The following LRRC7 variants were observed in gnomAD, a reference collection of about 807,000 sequenced individuals.
The protein encoded by LRRC7 is leucine rich repeat containing 7.
Under a neutral mutation model 175.7 loss-of-function variants are expected in LRRC7, and 23 were observed. That is an observed-to-expected ratio of 0.13 (90% confidence interval 0.09 to 0.19). The LOEUF is 0.19. LRRC7 is among the 10% of genes least tolerant of loss of function. LRRC7 has a pLI of 1.00. For missense variants in LRRC7, 1,354 were observed against 1,904.7 expected (o/e 0.71, Z 5.38); for synonymous variants, 685 against 680.9 (o/e 1.01, Z -0.09).
intron 3 of LRRC7, among the ~76,000 whole-genome samples, chr1:69,789,920 A>G (rs1250091395): frequency 2.6e-5 from 4 of 152,074 alleles, no homozygotes; most frequent in Admixed American, 6.6e-5. Flanking sequence ...GTGACAAACA[A>G]CGTCTTACAT....
intron 1 of LRRC7, among the ~76,000 whole-genome samples, chr1:69,619,402 G>C (rs987277850): frequency 6.6e-6 from 1 of 151,980 alleles, no homozygotes; most frequent in African/African-American, 2.4e-5. Flanking sequence ...AAACACCACC[G>C]GTTTCTACTA....
rs779031943 is a variant in LRRC7 at position 69,638,578 on chromosome 1, G to A, written c.3-39803G>A. Among the ~76,000 whole-genome samples, 4 of 151,664 alleles carry A rather than the reference G, an allele frequency of 2.6e-5. No individual in the cohort carries two copies. In the Admixed American group the frequency reaches 2.6e-4, roughly 10 times the overall value. ...GTAGTCTGCTTGCAAGTTAAGAACC[G>A]AGAGTATATCAATTAAGCCAAGAGC... On this transcript the variant is annotated intron_variant, in intron 1 of 26. Coordinates refer to ENST00000651989, the MANE Select transcript of LRRC7 (RefSeq NM_001370785.2).
intron 2 of LRRC7, among the ~76,000 whole-genome samples, chr1:69,717,098 T>A (rs1665452067): frequency 6.6e-6 from 1 of 151,644 alleles, no homozygotes; most frequent in African/African-American, 2.4e-5. Context: ...AAGATAGAAC[T>A]TAATACAGCT....
chr1:70,035,755 T>C (rs1659249550), intron 18 of LRRC7, among the ~76,000 whole-genome samples: 2 of 152,196 alleles, frequency 1.3e-5, no homozygotes, highest in East Asian at 1.9e-4. Context: ...TGCTCATATA[T>C]GGCTTATCAT....
intron 1 of LRRC7, among the ~76,000 whole-genome samples, chr1:69,615,437 G>C (rs1649456751): frequency 6.6e-6 from 1 of 151,922 alleles, no homozygotes; most frequent in Non-Finnish European, 1.5e-5. Context: ...TTGAAAGAAA[G>C]TTGCATTAGC....
At position 69,821,348 on chromosome 1, in the gene LRRC7, C is replaced by T. The variant is rs1434697477; in HGVS notation, c.422-4400C>T. On this transcript the variant is annotated intron_variant, in intron 4 of 26. Transcript: ENST00000651989. ...TCCGATTTAGCATTTGTTTTTCCTGCTTGATCAAGTCTGCTGTGGGAGTTC... is the reference window on the plus strand; with the variant it reads ...TCCGATTTAGCATTTGTTTTTCCTGTTTGATCAAGTCTGCTGTGGGAGTTC... 2.6e-5 allele frequency among the ~76,000 whole-genome samples: 4 copies of T among 152,054 alleles called. No homozygotes were observed. In the East Asian group the frequency reaches 5.8e-4, roughly 22 times the overall value.
chr1:69,634,725 C>A (rs559924372), intron 1 of LRRC7, among the ~76,000 whole-genome samples: 1 of 152,138 alleles, frequency 6.6e-6, no homozygotes, highest in Non-Finnish European at 1.5e-5. Context: ...GACCACCTTT[C>A]TTAGGGTACT....
At chr1:69,806,419 A>C (rs1429642539) in intron 4 of LRRC7, among the ~76,000 whole-genome samples, 1 of 151,930 alleles carries the variant, frequency 6.6e-6, no homozygotes, top group Non-Finnish European at 1.5e-5. Context: ...AGCACTCCTC[A>C]AAATTTTCCT....
intron 4 of LRRC7, among the ~76,000 whole-genome samples, chr1:69,825,065 G>A (rs774392969): frequency 2.6e-5 from 4 of 152,066 alleles, no homozygotes; most frequent in African/African-American, 7.2e-5. Flanking sequence ...CTGTCACACA[G>A]CCAGTAGCAC....
chr1:69,629,450 G>A (rs1652131998), intron 1 of LRRC7, among the ~76,000 whole-genome samples: 1 of 152,016 alleles, frequency 6.6e-6, no homozygotes, highest in African/African-American at 2.4e-5. Flanking sequence ...CTTGAACCAT[G>A]TTATCAGCTG....
At chr1:70,035,873 A>G (rs1260602217) in intron 18 of LRRC7, among the ~76,000 whole-genome samples, 1 of 152,150 alleles carries the variant, frequency 6.6e-6, no homozygotes, top group Non-Finnish European at 1.5e-5. Flanking sequence ...TCCACAGTTC[A>G]TTGCACAGTG....
chr1:69,979,059 G>A (rs1413950044), intron 8 of LRRC7, among the ~76,000 whole-genome samples: 1 of 151,366 alleles, frequency 6.6e-6, no homozygotes, highest in African/African-American at 2.4e-5. Flanking sequence ...TTTTTGTCAT[G>A]CGTGAAGTTC....
chr1:70,050,011 A>G (rs967157721), intron 22 of LRRC7, among the ~76,000 whole-genome samples: 23 of 152,064 alleles, frequency 1.5e-4, no homozygotes, highest in African/African-American at 5.6e-4. Context: ...AATAAGTGTG[A>G]TTTCACAAGC....
intron 3 of LRRC7, among the ~76,000 whole-genome samples, chr1:69,770,326 T>A (rs539403616): frequency 5.1e-4 from 78 of 152,330 alleles, no homozygotes; most frequent in African/African-American, 1.7e-3. Context: ...TAACTTAAGA[T>A]GTATTAGTTC....
In LRRC7 at chr1:70,107,776, C is replaced by G; in HGVS notation, c.4570C>G (p.Pro1524Ala). 2 of 1,613,194 alleles carry G rather than the reference C, an allele frequency of 1.2e-6. No individual in the cohort carries two copies. Among genetic ancestry groups the G allele is most frequent in the Non-Finnish European group, 1.7e-6 (2 of 1,179,394 alleles). Residue 1524 changes from proline to alanine, a missense_variant, in exon 26 of 27, where the codon CCT (proline) becomes GCT (alanine). Pro to Ala is a conservative substitution (Grantham distance 27, BLOSUM62 -1). Transcript: ENST00000651989. ...DKGIFVTRVQ[P>A]DGPASNLLQP... ...GGGTATCTTTGTTACTAGGGTTCAG[C>G]CTGATGGGCCAGCATCAAACCTACT...
chr1:69,760,103 A>G, intron 2 of LRRC7, 88 bp from the exon 3 acceptor site: 9 of 1,364,568 alleles, frequency 6.6e-6, no homozygotes, highest in Non-Finnish European at 8.0e-6. Context: ...TACCAAAATT[A>G]AATTTCTAAG....
At chr1:69,739,026 G>T (rs1668425461) in intron 2 of LRRC7, among the ~76,000 whole-genome samples, 1 of 152,000 alleles carries the variant, frequency 6.6e-6, no homozygotes, top group Admixed American at 6.6e-5. Flanking sequence ...TTCCTGTATT[G>T]AACAATAAAC....
chr1:69,861,717 G>A (rs1339476455), intron 7 of LRRC7, among the ~76,000 whole-genome samples: 1 of 152,180 alleles, frequency 6.6e-6, no homozygotes, highest in African/African-American at 2.4e-5. Context: ...CCATACAGGT[G>A]TCCAACTAGA....
intron 26 of LRRC7, among the ~76,000 whole-genome samples, chr1:70,116,343 G>C (rs1382201579): frequency 6.6e-6 from 1 of 152,042 alleles, no homozygotes; most frequent in Non-Finnish European, 1.5e-5. Flanking sequence ...GTCAGGAGAT[G>C]GAGACCATCC....
Sources: allele counts gnomAD v4.1 joint callset (sites outside exome capture counted in the v4.1 genomes callset), GRCh38; gene constraint gnomAD v4.1.1; transcripts MANE v1.5; gene names NCBI Gene and HGNC (gene_info 2026-07-23, HGNC 2026-07-21).